The following RNF38 variants were observed in gnomAD, a reference collection of about 807,000 sequenced individuals.
RNF38 encodes E3 ubiquitin-protein ligase RNF38.
In RNF38, 15 loss-of-function variants were observed where a neutral mutation model predicts 67.2. The ratio of observed to expected loss-of-function variants is 0.22; its 90% CI spans 0.15 to 0.34. RNF38 has a LOEUF of 0.34. Among genes scored for constraint, RNF38 ranks in the 10% least tolerant of loss-of-function variants. RNF38 has a pLI of 1.00. For missense variants in RNF38, 524 were observed against 639.9 expected (o/e 0.82, Z 1.95); for synonymous variants, 220 against 218.8 (o/e 1.01, Z -0.05).
intron 1 of RNF38, among the ~76,000 whole-genome samples, chr9:36,449,313 C>T (rs1839380686): frequency 6.6e-6 from 1 of 152,022 alleles, no homozygotes; most frequent in African/African-American, 2.4e-5. Flanking sequence ...CACCTATAAT[C>T]CTAGATATTT....
intron 4 of RNF38, among the ~76,000 whole-genome samples, chr9:36,367,099 T>C (rs549631464): frequency 2.4e-4 from 36 of 152,328 alleles, no homozygotes; most frequent in African/African-American, 8.7e-4. Flanking sequence ...GGGTCTCCTA[T>C]ATAGAAAGTG....
chr9:36,484,230 C>G (rs920368378), intron 1 of RNF38, among the ~76,000 whole-genome samples: 1 of 152,212 alleles, frequency 6.6e-6, no homozygotes, highest in Admixed American at 6.5e-5. Flanking sequence ...ACTGCTGACA[C>G]AGGTCCAATA....
intron 1 of RNF38, among the ~76,000 whole-genome samples, chr9:36,448,731 G>T (rs1046977257): frequency 6.6e-6 from 1 of 152,174 alleles, no homozygotes; most frequent in Non-Finnish European, 1.5e-5. Context: ...TGGGCCGGGC[G>T]CGGTGGCTCA....
intron 1 of RNF38, among the ~76,000 whole-genome samples, chr9:36,465,342 CT>C (rs553695942): frequency 2.2e-4 from 33 of 152,116 alleles, no homozygotes; most frequent in African/African-American, 7.5e-4. Flanking sequence ...TAGCAGCATT[CT>C]TTTTTTCTTT....
At chr9:36,397,100 TTTTG>T (rs1370624824) in intron 1 of RNF38, among the ~76,000 whole-genome samples, 1 of 119,186 alleles carries the variant, frequency 8.4e-6, no homozygotes, top group Non-Finnish European at 1.8e-5. Context: ...TATATATATG[TTTTG>T]TTTTTTTTTT....
In RNF38 at chr9:36,338,400, AAAAGG is replaced by A. The variant is rs756119692; in HGVS notation, c.*1347_*1351del. On this transcript the variant is annotated 3_prime_UTR_variant, in exon 12 of 12. Coordinates refer to ENST00000259605, the MANE Select transcript of RNF38 (RefSeq NM_022781.5). ...AACTTTTCTCATTCAAACAAAAATTAAAAGGAAAGGCAGTAAAATATCAAAACAAA... is the reference window on the plus strand; with the variant it reads ...AACTTTTCTCATTCAAACAAAAATTAAAAGGCAGTAAAATATCAAAACAAA... 9.9e-5 allele frequency: 15 copies of A among 152,174 alleles called. No individual in the cohort carries two copies. Among genetic ancestry groups the A allele is most frequent in the South Asian group, 2.1e-4 (1 of 4,828 alleles). The allele number at this position is 152,174 out of a possible 1,614,324, so 9.4% of individuals were successfully genotyped here.
chr9:36,440,074 T>C (rs1260190453), intron 1 of RNF38, among the ~76,000 whole-genome samples: 1 of 151,996 alleles, frequency 6.6e-6, no homozygotes, highest in Non-Finnish European at 1.5e-5. Flanking sequence ...GGTGAAACCC[T>C]GTCTCTACTA....
chr9:36,427,960 T>C (rs531397559), intron 1 of RNF38, among the ~76,000 whole-genome samples: 3 of 151,430 alleles, frequency 2.0e-5, no homozygotes, highest in East Asian at 3.9e-4. Flanking sequence ...TCCGCTCACA[T>C]TGGCCTCCCA....
chr9:36,339,857 C>G (rs746361613), intron 11 of RNF38, 43 bp from the exon 12 acceptor site: 2 of 1,440,872 alleles, frequency 1.4e-6, no homozygotes, highest in Admixed American at 1.8e-5. Context: ...GTGACACATA[C>G]AATGAAACAC....
chr9:36,441,048 C>T (rs541258100), intron 1 of RNF38, among the ~76,000 whole-genome samples: 61 of 152,064 alleles, frequency 4.0e-4, no homozygotes, highest in Non-Finnish European at 7.5e-4. Context: ...CCTTTAACCC[C>T]AATAGTGACT....
intron 2 of RNF38, among the ~76,000 whole-genome samples, chr9:36,416,745 T>TTTTTTTTG (rs1554693089): frequency 2.9e-4 from 34 of 115,532 alleles, no homozygotes; most frequent in African/African-American, 1.2e-3. Context: ...CCTCGATATT[T>TTTTTTTTG]TTTTTTTTTT....
intron 4 of RNF38, among the ~76,000 whole-genome samples, chr9:36,359,307 T>G (rs1403123078): frequency 1.3e-5 from 2 of 152,080 alleles, no homozygotes; most frequent in African/African-American, 4.8e-5. Context: ...AGCCAGAGTG[T>G]AGCTTTGGGG....
chr9:36,395,449 G>A (rs1248327870), intron 1 of RNF38, among the ~76,000 whole-genome samples: 2 of 151,902 alleles, frequency 1.3e-5, no homozygotes. Flanking sequence ...GCATTCTTCA[G>A]CATACCAACT....
At chr9:36,401,258 C>G (rs1450488174), upstream of RNF38, 4 of 983,126 alleles carry the variant, frequency 4.1e-6, no homozygotes, top group Non-Finnish European at 4.8e-6. Flanking sequence ...GGACCAGTTC[C>G]GGCAACAGAG....
At chr9:36,435,107 G>C (rs1317269944) in intron 1 of RNF38, among the ~76,000 whole-genome samples, 1 of 152,176 alleles carries the variant, frequency 6.6e-6, no homozygotes, top group African/African-American at 2.4e-5. Flanking sequence ...GGAAAAAAGT[G>C]GGGACTGGCG....
chr9:36,406,988 C>T (rs1471532300), intron 2 of RNF38, among the ~76,000 whole-genome samples: 1 of 151,724 alleles, frequency 6.6e-6, no homozygotes, highest in Non-Finnish European at 1.5e-5. Context: ...ATGATGAAAC[C>T]CCATCTCCAC....
chr9:36,445,875 CCCTTT>C (rs1839289414), intron 1 of RNF38, among the ~76,000 whole-genome samples: 1 of 152,186 alleles, frequency 6.6e-6, no homozygotes, highest in Admixed American at 6.5e-5. Flanking sequence ...AGATTCTTCT[CCCTTT>C]CAACTATCAG....
chr9:36,357,697 A>G lies in RNF38; in HGVS notation c.738+78T>C. ...AGTTAGCCCCTCTAAAGAGGGTAAG[A>G]GTCGGGAAGTTACAAAACCAAATTC... On this transcript the variant is annotated intron_variant, in intron 5 of 11. Transcript: ENST00000259605. 2 of 1,117,920 alleles carry G rather than the reference A, an allele frequency of 1.8e-6. 1 individual carries two copies. Among genetic ancestry groups the G allele is most frequent in the Non-Finnish European group, 2.6e-6 (2 of 755,772 alleles). The allele number at this position is 1,117,920 out of a possible 1,614,324, so 69.3% of individuals were successfully genotyped here.
chr9:36,354,849 T>G (rs188556227), intron 6 of RNF38, among the ~76,000 whole-genome samples: 53 of 152,346 alleles, frequency 3.5e-4, no homozygotes, highest in African/African-American at 1.2e-3. Flanking sequence ...CAAATATAAG[T>G]AAATACTAAG....
Sources: gnomAD v4.1 joint callset for allele counts (sites outside exome capture counted in the v4.1 genomes callset) on GRCh38, gnomAD v4.1.1 for gene constraint, MANE v1.5 for transcripts, NCBI Gene and HGNC (gene_info 2026-07-23, HGNC 2026-07-21) for gene names.